HS3ST5: variants seen among roughly 807,000 people sequenced by gnomAD.
The protein encoded by HS3ST5 is heparan sulfate-glucosamine 3-sulfotransferase 5.
HS3ST5 carries 10 observed loss-of-function variants against 25.4 expected under a neutral mutation model. That is an observed-to-expected ratio of 0.39 (90% CI 0.24 to 0.67). The LOEUF (loss-of-function observed/expected upper bound fraction) is 0.67. HS3ST5 is among the 30% of genes least tolerant of loss of function. HS3ST5 has a pLI of 0.44. For synonymous variants in HS3ST5, 170 were observed against 162.4 expected, an observed-to-expected ratio of 1.05 and a Z score of -0.36; for missense variants, 324 against 420.7, an observed-to-expected ratio of 0.77 and a Z score of 2.01.
intron 1 of HS3ST5, among the ~76,000 whole-genome samples, chr6:114,314,817 T>G (rs1352225676): frequency 6.6e-6 from 1 of 152,234 alleles, no homozygotes; most frequent in Non-Finnish European, 1.5e-5. Context: ...CTTCATTTTT[T>G]ATTTATGCTG....
intron 1 of HS3ST5, among the ~76,000 whole-genome samples, chr6:114,323,615 T>A (rs962468910): frequency 7.9e-5 from 12 of 152,144 alleles, no homozygotes; most frequent in African/African-American, 2.9e-4. Context: ...GGAGGCTACC[T>A]CATAGCATTA....
intron 1 of HS3ST5, among the ~76,000 whole-genome samples, chr6:114,325,076 G>A (rs768385747): frequency 6.6e-6 from 1 of 152,168 alleles, no homozygotes; most frequent in Non-Finnish European, 1.5e-5. Flanking sequence ...AGTGAACATT[G>A]ACTGCATCAG....
chr6:114,211,512 T>C (rs1781507806), intron 2 of HS3ST5, among the ~76,000 whole-genome samples: 1 of 152,238 alleles, frequency 6.6e-6, no homozygotes, highest in Non-Finnish European at 1.5e-5. Flanking sequence ...ACATTTTATA[T>C]GATGGCTATA....
At chr6:114,070,522 A>G (rs969250811) in intron 3 of HS3ST5, among the ~76,000 whole-genome samples, 3 of 152,172 alleles carry the variant, frequency 2.0e-5, no homozygotes, top group Non-Finnish European at 4.4e-5. Flanking sequence ...CTCAAGAACT[A>G]TCTCTTAGAA....
intron 1 of HS3ST5, among the ~76,000 whole-genome samples, chr6:114,313,025 GAAAAAAAAAAAAAAAAA>G (rs5879258): frequency 2.5e-4 from 4 of 16,122 alleles, no homozygotes; most frequent in Admixed American, 9.9e-4. Flanking sequence ...CCCTGCATCA[GAAAAAAAAAAAAAAAAA>G]AAAAAAAAAA....
intron 1 of HS3ST5, among the ~76,000 whole-genome samples, chr6:114,285,097 C>A (rs1202700246): frequency 5.9e-5 from 9 of 152,020 alleles, no homozygotes; most frequent in Admixed American, 5.2e-4. Flanking sequence ...AAATCAGGAT[C>A]TTGAAGAATA....
chr6:114,146,842 T>C (rs1043658658), intron 3 of HS3ST5, among the ~76,000 whole-genome samples: 2 of 152,182 alleles, frequency 1.3e-5, no homozygotes, highest in Non-Finnish European at 2.9e-5. Context: ...CCCTCTGCCA[T>C]GAGTAACAGC....
At chr6:114,290,088 TC>T (rs1774504672) in intron 1 of HS3ST5, among the ~76,000 whole-genome samples, 1 of 152,162 alleles carries the variant, frequency 6.6e-6, no homozygotes, top group Admixed American at 6.5e-5. Flanking sequence ...TTCTATAAGT[TC>T]CATACTTATG....
At chr6:114,071,578 T>A (rs1435021230) in intron 3 of HS3ST5, among the ~76,000 whole-genome samples, 1 of 152,192 alleles carries the variant, frequency 6.6e-6, no homozygotes, top group Non-Finnish European at 1.5e-5. Context: ...CTCCAGCATT[T>A]AGGGTCATTG....
At chr6:114,139,264 A>C (rs1244705176) in intron 3 of HS3ST5, among the ~76,000 whole-genome samples, 1 of 152,126 alleles carries the variant, frequency 6.6e-6, no homozygotes, top group African/African-American at 2.4e-5. Context: ...GATGATTAAC[A>C]TCATAGCCTA....
In HS3ST5 at chr6:114,151,019, A is replaced by G. The variant is rs185167277; in HGVS notation, c.-33+17332T>C. 2.0e-4 allele frequency among the ~76,000 whole-genome samples: 30 copies of G among 152,310 alleles called. 1 individual carries two copies. The highest frequency in any genetic ancestry group is 6.5e-4 in the African/African-American group (27 of 41,568). The stretch of plus-strand genomic sequence containing the variant: ...GCATGAATAAAAAACCAGAAAGCAC[A>G]TATTCGCTTGCCCCTGTACATTTTA... On this transcript the variant is annotated intron_variant, in intron 3 of 4. Transcript: ENST00000312719.
intron 1 of HS3ST5, among the ~76,000 whole-genome samples, chr6:114,277,313 G>T (rs1773903335): frequency 6.6e-6 from 1 of 151,252 alleles, no homozygotes; most frequent in Non-Finnish European, 1.5e-5. Flanking sequence ...TCTGCCCATG[G>T]TGGATAAGTA....
At chr6:114,067,380 A>G (rs1353366718) in intron 3 of HS3ST5, among the ~76,000 whole-genome samples, 1 of 152,220 alleles carries the variant, frequency 6.6e-6, no homozygotes, top group Admixed American at 6.5e-5. Context: ...CAGACAGGAA[A>G]AAGAAGAAAA....
intron 3 of HS3ST5, among the ~76,000 whole-genome samples, chr6:114,120,370 A>G (rs1422690729): frequency 6.6e-6 from 1 of 152,218 alleles, no homozygotes; most frequent in Admixed American, 6.5e-5. Context: ...TTTATACAGT[A>G]ATTGTCCAAA....
chr6:114,324,457 A>G (rs1776093427), intron 1 of HS3ST5, among the ~76,000 whole-genome samples: 2 of 152,314 alleles, frequency 1.3e-5, no homozygotes, highest in African/African-American at 4.8e-5. Context: ...AAACATTTTG[A>G]TGCAACATTA....
In HS3ST5 at chr6:114,261,291, A is replaced by G. The variant is rs573348491; in HGVS notation, c.-338-32513T>C. Among the ~76,000 whole-genome samples the G allele has an allele frequency of 2.3e-3, 349 of 152,296 alleles. 2 individuals carry two copies. Among genetic ancestry groups the G allele is most frequent in the African/African-American group, 8.2e-3 (340 of 41,554 alleles). On this transcript the variant is annotated intron_variant, in intron 1 of 4. Transcript: ENST00000312719. ...TTAAGAAAAAACAATTGAAGAAAAG[A>G]TGAGAATTAACTAATGAGATGCTAT...
At position 114,056,680 on chromosome 6, in the gene HS3ST5, C is replaced by T. The variant is rs1188065333; in HGVS notation, c.*577G>A. 1 of 152,466 alleles carries T rather than the reference C, an allele frequency of 6.6e-6. No homozygotes were observed. Among genetic ancestry groups the T allele is most frequent in the African/African-American group, 2.4e-5 (1 of 41,552 alleles). The allele number at this position is 152,466 out of a possible 1,614,324, so 9.4% of individuals were successfully genotyped here. A position where few individuals can be genotyped will look rare whatever the true frequency, so the allele number is the denominator to read the frequency against. On this transcript the variant is annotated 3_prime_UTR_variant, in exon 5 of 5. Transcript: ENST00000312719. ...TGTGTGATTGACATGCTACAAGTGA[C>T]ACCATGGTCCATACGAGAAAACAAT...
intron 1 of HS3ST5, among the ~76,000 whole-genome samples, chr6:114,272,575 C>A (rs966556208): frequency 1.3e-5 from 2 of 152,146 alleles, no homozygotes; most frequent in African/African-American, 4.8e-5. Flanking sequence ...TCTTCCAGTG[C>A]TGCTGTTCCA....
At chr6:114,113,127 T>A (rs1776347603) in intron 3 of HS3ST5, among the ~76,000 whole-genome samples, 1 of 152,104 alleles carries the variant, frequency 6.6e-6, no homozygotes, top group Non-Finnish European at 1.5e-5. Flanking sequence ...ATGCCCTGAG[T>A]CCAGTTACTT....
Sources: allele counts gnomAD v4.1 joint callset (sites outside exome capture counted in the v4.1 genomes callset), GRCh38; gene constraint gnomAD v4.1.1; transcripts MANE v1.5; gene names NCBI Gene and HGNC (gene_info 2026-07-23, HGNC 2026-07-21).